Variants in VCL observed in about 807,000 individuals in gnomAD.
The protein encoded by VCL is vinculin.
In VCL, 47 loss-of-function variants were observed where a neutral mutation model predicts 125.7. That is an observed-to-expected ratio of 0.37 (90% CI 0.30 to 0.48). The LOEUF (loss-of-function observed/expected upper bound fraction) is 0.48, where lower values mean the gene tolerates loss of function less well. Ranked by LOEUF, VCL falls within the 20% of genes least tolerant of loss-of-function variation. VCL has a pLI of 0.99. For synonymous variants in VCL, 458 were observed against 514.6 expected, an observed-to-expected ratio of 0.89 and a Z score of 1.49; for missense variants, 1,069 against 1,455.5, an observed-to-expected ratio of 0.73 and a Z score of 4.32.
chr10:74,068,346 T>C (rs1471589377), intron 2 of VCL, among the ~76,000 whole-genome samples: 1 of 152,164 alleles, frequency 6.6e-6, no homozygotes, highest in Non-Finnish European at 1.5e-5. Context: ...TTTTCTTTTT[T>C]TGGAGTCTTG....
At chr10:74,026,046 A>G (rs917174995) in intron 1 of VCL, among the ~76,000 whole-genome samples, 1 of 152,224 alleles carries the variant, frequency 6.6e-6, no homozygotes, top group Admixed American at 6.5e-5. Context: ...TGTCATTTAC[A>G]TAGCATGCAA....
intron 5 of VCL, 149 bp from the exon 6 acceptor site, chr10:74,074,594 T>A (rs529072972): frequency 2.3e-6 from 2 of 884,514 alleles, no homozygotes; most frequent in Admixed American, 2.9e-5. Flanking sequence ...ATGTTGGAAC[T>A]TTATTGTCAA....
intron 2 of VCL, among the ~76,000 whole-genome samples, chr10:74,067,338 A>T (rs898188313): frequency 2.6e-5 from 4 of 152,114 alleles, no homozygotes; most frequent in Non-Finnish European, 4.4e-5. Flanking sequence ...TCAAAGCCAT[A>T]ATGAGATACC....
Position 73,998,271 on chromosome 10 carries a change from C to T in VCL, c.64C>T (p.His22Tyr), listed in dbSNP as rs1215274479. ...GGAGCCGGTGGCACAGCAGATCTCCCACCTGGTGATAATGCACGAGGAGGG... is the reference window on the plus strand; with the variant it reads ...GGAGCCGGTGGCACAGCAGATCTCCTACCTGGTGATAATGCACGAGGAGGG... ...ILEPVAQQIS[H>Y]LVIMHEEGEV... The change falls in exon 1 of 22, where the codon CAC becomes TAC. Residue 22 changes from histidine to tyrosine, a missense_variant. By Grantham distance (83) the His-to-Tyr change is moderately conservative. Coordinates refer to ENST00000211998, the MANE Select transcript of VCL (RefSeq NM_014000.3). 1.9e-6 allele frequency: 3 copies of T among 1,611,560 alleles called. No individual in the cohort carries two copies. In the South Asian group the frequency reaches 3.3e-5, roughly 18 times the overall value.
At chr10:74,059,428 G>A (rs1399197002) in intron 2 of VCL, among the ~76,000 whole-genome samples, 4 of 149,310 alleles carry the variant, frequency 2.7e-5, no homozygotes, top group Admixed American at 6.6e-5. Flanking sequence ...TTTTTGAGAC[G>A]GAGTCTCGCC....
intron 1 of VCL, among the ~76,000 whole-genome samples, chr10:74,019,657 G>C (rs1208653744): frequency 6.6e-6 from 1 of 151,840 alleles, no homozygotes; most frequent in East Asian, 1.9e-4. Flanking sequence ...AAGAGGGAGA[G>C]GGAGGAAAAA....
intron 10 of VCL, among the ~76,000 whole-genome samples, chr10:74,092,169 A>C (rs2131911804): frequency 6.6e-6 from 1 of 152,232 alleles, no homozygotes; most frequent in Middle Eastern, 3.4e-3. Flanking sequence ...CAGCCTCCCA[A>C]GTCCTGGGAT....
chr10:74,065,901 T>G (rs549788992), intron 2 of VCL, among the ~76,000 whole-genome samples: 3 of 151,982 alleles, frequency 2.0e-5, no homozygotes, highest in African/African-American at 7.2e-5. Context: ...CATTACTAGA[T>G]ATATAATCTA....
chr10:74,066,061 A>ATATATATATATAT (rs1441211975), intron 2 of VCL, among the ~76,000 whole-genome samples: 16 of 137,486 alleles, frequency 1.2e-4, no homozygotes, highest in Non-Finnish European at 2.2e-4. Flanking sequence ...ATATATATAT[A>ATATATATATATAT]TTTTTTTTTT....
At chr10:74,041,164 C>A (rs1018580595) in intron 1 of VCL, among the ~76,000 whole-genome samples, 1 of 127,232 alleles carries the variant, frequency 7.9e-6, no homozygotes, top group African/African-American at 2.5e-5. Flanking sequence ...TTTTCTTACT[C>A]CATTTTTTTT....
chr10:74,107,433 G>T (rs751948908), intron 17 of VCL, 79 bp downstream of exon 17: 10 of 1,610,092 alleles, frequency 6.2e-6, no homozygotes, highest in Non-Finnish European at 8.5e-6. Flanking sequence ...TTGTGTTTTA[G>T]AGCCTCCATC....
chr10:73,998,658 G>T, intron 1 of VCL, among the ~76,000 whole-genome samples: 1 of 152,222 alleles, frequency 6.6e-6, no homozygotes, highest in Admixed American at 6.5e-5. Context: ...TTCGTGGAGT[G>T]CCTCGCGCGG....
chr10:74,078,493 G>A (rs1839629411), intron 6 of VCL, among the ~76,000 whole-genome samples: 1 of 152,172 alleles, frequency 6.6e-6, no homozygotes, highest in Non-Finnish European at 1.5e-5. Flanking sequence ...CTAATAGAAT[G>A]AAAGATCTCT....
In VCL at chr10:74,031,933, G is replaced by A. The variant is rs368103586; in HGVS notation, c.169-11150G>A. ...TACAAAATTAGCCAGGCGTGGTGGT[G>A]CGTGCCTGTAATCCCAGCTACTTGG... On this transcript the variant is annotated intron_variant, in intron 1 of 21. Transcript: ENST00000211998. Among the ~76,000 whole-genome samples, 41 of 151,794 alleles carry A rather than the reference G, an allele frequency of 2.7e-4. 3 individuals are homozygous for A. The highest frequency in any genetic ancestry group is 9.4e-4 in the African/African-American group (39 of 41,358).
chr10:74,046,455 C>G (rs570070483), intron 2 of VCL, among the ~76,000 whole-genome samples: 1 of 152,288 alleles, frequency 6.6e-6, no homozygotes, highest in South Asian at 2.1e-4. Flanking sequence ...GTTGCCCAGG[C>G]TGGTCTTGAA....
intron 8 of VCL, among the ~76,000 whole-genome samples, chr10:74,085,905 T>A (rs1839762258): frequency 6.6e-6 from 1 of 152,238 alleles, no homozygotes; most frequent in Non-Finnish European, 1.5e-5. Context: ...TTTGCTCTTA[T>A]TGCCCAGGCT....
intron 11 of VCL, 97 bp from the exon 12 acceptor site, chr10:74,095,559 T>C (rs1179700380): frequency 9.2e-6 from 14 of 1,518,706 alleles, no homozygotes; most frequent in Non-Finnish European, 1.3e-5. Context: ...GCACTCCAGC[T>C]TGGGTGATAG....
Position 74,002,981 on chromosome 10 carries a change from C to T in VCL, c.168+4606C>T, listed in dbSNP as rs191490071. 4.7e-5 allele frequency among the ~76,000 whole-genome samples: 7 copies of T among 150,000 alleles called. No homozygotes were observed. The East Asian group carries it at 9.8e-4, about 21-fold the overall frequency. On this transcript the variant is annotated intron_variant, in intron 1 of 21. Coordinates refer to ENST00000211998, the MANE Select transcript of VCL (RefSeq NM_014000.3). ...TATTTGCTAAGCAAAGTAGTCTGGT[C>T]ACTGATATATATATATAAATATATA...
At chr10:74,091,450 A>T (rs1000761044) in intron 10 of VCL, among the ~76,000 whole-genome samples, 4 of 152,174 alleles carry the variant, frequency 2.6e-5, no homozygotes, top group African/African-American at 9.7e-5. Flanking sequence ...ATAAAGGAGA[A>T]TGTTATAAAA....
Sources: allele counts gnomAD v4.1 joint callset (sites outside exome capture counted in the v4.1 genomes callset), GRCh38; gene constraint gnomAD v4.1.1; transcripts MANE v1.5; gene names NCBI Gene and HGNC (gene_info 2026-07-23, HGNC 2026-07-21).